The following CFAP36 variants were observed in gnomAD, a reference collection of about 807,000 sequenced individuals.
CFAP36 encodes cilia and flagella associated protein 36.
CFAP36 carries 37 observed loss-of-function variants against 50.5 expected under a neutral mutation model. The observed-to-expected ratio is 0.73, with a 90% CI of 0.56 to 0.96. The LOEUF (loss-of-function observed/expected upper bound fraction) is 0.96. CFAP36 is among the 50% of genes least tolerant of loss of function. The probability of loss-of-function intolerance (pLI) is 0.00; values close to 1 mark genes in which losing one functional copy is unlikely to be tolerated. For missense variants in CFAP36, 407 were observed against 396.2 expected (o/e 1.03, Z -0.23); for synonymous variants, 138 against 128.2 (o/e 1.08, Z -0.52).
intron 7 of CFAP36, chr2:55,538,847 C>G: frequency 6.5e-7 from 1 of 1,528,268 alleles, no homozygotes; most frequent in Non-Finnish European, 8.8e-7. Context: ...TCTTCTGACA[C>G]TAAATATATT....
chr2:55,541,864 G>C (rs974025146), intron 7 of CFAP36, among the ~76,000 whole-genome samples: 1 of 152,016 alleles, frequency 6.6e-6, no homozygotes, highest in African/African-American at 2.4e-5. Context: ...TTATGAAGTT[G>C]AGGAAGTTCC....
chr2:55,541,384 T>C (rs1684635117), intron 7 of CFAP36, among the ~76,000 whole-genome samples: 1 of 152,230 alleles, frequency 6.6e-6, no homozygotes, highest in Non-Finnish European at 1.5e-5. Flanking sequence ...CTTTGATTTC[T>C]TTCATTAGAA....
intron 6 of CFAP36, among the ~76,000 whole-genome samples, 180 bp from the exon 7 acceptor site, chr2:55,537,303 G>A (rs1200731386): frequency 1.3e-5 from 2 of 152,048 alleles, no homozygotes; most frequent in Admixed American, 6.5e-5. Context: ...TCCAGGAGCC[G>A]GAGGTTGCAG....
At chr2:55,538,370 C>T (rs575698496) in intron 7 of CFAP36, among the ~76,000 whole-genome samples, 93 of 149,494 alleles carry the variant, frequency 6.2e-4, no homozygotes, top group Non-Finnish European at 1.1e-3. Context: ...TCTCGGCTCA[C>T]CATAACCTCC....
chr2:55,529,142 C>T (rs1298816671), intron 4 of CFAP36, 150 bp downstream of exon 4: 2 of 619,652 alleles, frequency 3.2e-6, no homozygotes, highest in Non-Finnish European at 2.7e-6. Flanking sequence ...GAGTATATGG[C>T]TGGGTGCAGT....
chr2:55,519,851 C>T lies in CFAP36; in HGVS notation c.50C>T (p.Ala17Val), dbSNP rs372668203. 6.2e-7 allele frequency: 1 copy of T among 1,614,224 alleles called. No individual in the cohort carries two copies. Among genetic ancestry groups the T allele is most frequent in the Non-Finnish European group, 8.5e-7 (1 of 1,180,030 alleles). Residue 17 changes from alanine to valine, a missense_variant, in exon 1 of 10, where the codon GCG becomes GTG. Transcript: ENST00000349456. ...GTGGAGTGGGTAGTGGAGAGCATCGCGGGGTTCCTGCGAGGCCCAGACTGG... is the reference window on the plus strand; with the variant it reads ...GTGGAGTGGGTAGTGGAGAGCATCGTGGGGTTCCTGCGAGGCCCAGACTGG... ...DEVEWVVESI[A>V]GFLRGPDWSI...
intron 4 of CFAP36, among the ~76,000 whole-genome samples, chr2:55,530,527 C>T (rs970871629): frequency 6.6e-6 from 1 of 152,172 alleles, no homozygotes; most frequent in Admixed American, 6.5e-5. Context: ...ACTCAAAGCC[C>T]TATTAACCCT....
At chr2:55,536,514 A>G (rs995306806) in intron 6 of CFAP36, among the ~76,000 whole-genome samples, 2 of 146,414 alleles carry the variant, frequency 1.4e-5, no homozygotes, top group East Asian at 2.1e-4. Flanking sequence ...GCAGTGGCGC[A>G]ATCTCGGCTC....
intron 6 of CFAP36, 98 bp downstream of exon 6, chr2:55,535,861 T>A: frequency 7.0e-7 from 1 of 1,430,634 alleles, no homozygotes; most frequent in Non-Finnish European, 9.3e-7. Context: ...TATGTGGAAC[T>A]ACATAATTTT....
chr2:55,520,409 C>T, intron 1 of CFAP36: 1 of 1,544,358 alleles, frequency 6.5e-7, no homozygotes, highest in Non-Finnish European at 8.7e-7. Flanking sequence ...CAACAGTTAA[C>T]TGCAAAGGAG....
At position 55,543,942 on chromosome 2, in the gene CFAP36, T is replaced by TA; in HGVS notation, c.649dup (p.Met217AsnfsTer5). On this transcript the variant is annotated frameshift_variant, in exon 8 of 10. Transcript: ENST00000349456. LOFTEE classifies it high-confidence loss of function. Reference sequence around the variant, plus strand: ...TTATTGTCTACTTATTGCCAGAAGTTAAAATGCATTTTGCTAATCAGTCAA... The same window carrying TA: ...TTATTGTCTACTTATTGCCAGAAGTTAAAAATGCATTTTGCTAATCAGTCAA... The TA allele has an allele frequency of 3.1e-6, 5 of 1,611,640 alleles. No individual in the cohort carries two copies. Among genetic ancestry groups the TA allele is most frequent in the Non-Finnish European group, 4.2e-6 (5 of 1,178,816 alleles).
chr2:55,544,787 T>C, intron 9 of CFAP36, 120 bp from the exon 10 acceptor site: 2 of 641,088 alleles, frequency 3.1e-6, no homozygotes, highest in South Asian at 2.1e-5. Flanking sequence ...TCTATGTCTG[T>C]CTCTCCCTCC....
At chr2:55,529,229 A>G (rs920939445) in intron 4 of CFAP36, among the ~76,000 whole-genome samples, 2 of 152,000 alleles carry the variant, frequency 1.3e-5, no homozygotes, top group Non-Finnish European at 2.9e-5. Flanking sequence ...AGACCATCCC[A>G]GCTAACACAG....
intron 4 of CFAP36, among the ~76,000 whole-genome samples, chr2:55,532,256 C>T (rs189487341): frequency 6.3e-4 from 96 of 151,716 alleles, no homozygotes; most frequent in African/African-American, 1.8e-3. Flanking sequence ...TGACTAAGAT[C>T]CAGGGGTGAA....
chr2:55,524,739 T>G (rs1411441388), intron 3 of CFAP36, among the ~76,000 whole-genome samples: 1 of 151,766 alleles, frequency 6.6e-6, no homozygotes, highest in African/African-American at 2.4e-5. Flanking sequence ...CCCAGTACTT[T>G]GGGAGGCCGA....
intron 7 of CFAP36, among the ~76,000 whole-genome samples, chr2:55,537,860 A>G (rs1280387394): frequency 1.3e-5 from 2 of 152,204 alleles, no homozygotes; most frequent in Non-Finnish European, 1.5e-5. Flanking sequence ...TTTGTGCATG[A>G]CTGCAGCTTA....
chr2:55,538,900 G>C, intron 7 of CFAP36: 1 of 1,467,662 alleles, frequency 6.8e-7, no homozygotes, highest in Non-Finnish European at 9.0e-7. Flanking sequence ...ATTGAGATTA[G>C]TGTGATGTTT....
At chr2:55,523,108 A>G (rs961231749) in intron 2 of CFAP36, among the ~76,000 whole-genome samples, 13 of 146,780 alleles carry the variant, frequency 8.9e-5, no homozygotes, top group East Asian at 2.0e-4. Flanking sequence ...AAAAAAAAAA[A>G]AAAGAAAGAA....
chr2:55,537,393 A>G (rs1210758441), intron 6 of CFAP36, 90 bp from the exon 7 acceptor site: 2 of 878,002 alleles, frequency 2.3e-6, no homozygotes, highest in African/African-American at 1.7e-5. Context: ...AAAGAAAACT[A>G]TAATATCTTT....
Sources: gnomAD v4.1 joint callset for allele counts (sites outside exome capture counted in the v4.1 genomes callset) on GRCh38, gnomAD v4.1.1 for gene constraint, MANE v1.5 for transcripts, NCBI Gene and HGNC (gene_info 2026-07-23, HGNC 2026-07-21) for gene names.